Variants in FRY observed in about 807,000 individuals in gnomAD.
FRY encodes the protein FRY microtubule binding protein, also known as protein furry homolog.
Under a neutral mutation model 348.4 loss-of-function variants are expected in FRY, and 128 were observed. The observed-to-expected ratio is 0.37, with a 90% CI of 0.32 to 0.43. FRY has a LOEUF of 0.43. Ranked by LOEUF, FRY falls within the 20% of genes least tolerant of loss-of-function variation. The pLI is 1.00. For missense variants in FRY, 2,736 were observed against 3,695.2 expected (o/e 0.74, Z 6.73); for synonymous variants, 1,370 against 1,374.7 (o/e 1.00, Z 0.08).
At chr13:32,292,965 G>C (rs1889451212) in intron 59 of FRY, among the ~76,000 whole-genome samples, 1 of 152,120 alleles carries the variant, frequency 6.6e-6, no homozygotes. Flanking sequence ...ACTCACTGAA[G>C]GCACAGATGA....
intron 29 of FRY, 35 bp from the exon 30 acceptor site, chr13:32,201,906 C>A: frequency 1.7e-6 from 2 of 1,145,258 alleles, no homozygotes; most frequent in Non-Finnish European, 2.7e-6. Context: ...TCTTATAAAC[C>A]ATGCTTTTTT....
At chr13:32,140,370 A>G (rs1279436842) in intron 11 of FRY, among the ~76,000 whole-genome samples, 2 of 152,244 alleles carry the variant, frequency 1.3e-5, no homozygotes, top group Non-Finnish European at 2.9e-5. Context: ...TGGAGAAACC[A>G]AAGTACAGAA....
chr13:32,128,029 A>T lies in FRY; in HGVS notation c.716+3154A>T, dbSNP rs147248090. On this transcript the variant is annotated intron_variant, in intron 7 of 60. Coordinates refer to ENST00000542859, the MANE Select transcript of FRY (RefSeq NM_023037.3). ...TCATACATTTAAAAATTAAAACCAT[A>T]GTTATTTTGGTATCTGGAAATAATT... is the stretch of plus-strand genomic sequence containing the variant. Among the ~76,000 whole-genome samples, 16 of 152,268 alleles carry T rather than the reference A, an allele frequency of 1.1e-4. No homozygotes were observed. The East Asian group carries it at 3.1e-3, about 29-fold the overall frequency.
chr13:32,173,044 T>G lies in FRY; in HGVS notation c.2152-323T>G, dbSNP rs185712594. Among the ~76,000 whole-genome samples, 8 of 152,346 alleles carry G rather than the reference T, an allele frequency of 5.3e-5. No homozygotes were observed. The East Asian group carries it at 1.4e-3, about 26-fold the overall frequency. On this transcript the variant is annotated intron_variant, in intron 18 of 60. Transcript: ENST00000542859. ...TAAATAACAACTTTGGCCACTTTGA[T>G]TGTATATACAGTGTAATACCAAGTG...
intron 1 of FRY, among the ~76,000 whole-genome samples, chr13:32,044,705 A>G (rs1872927851): frequency 6.6e-6 from 1 of 152,176 alleles, no homozygotes; most frequent in Non-Finnish European, 1.5e-5. Flanking sequence ...CAAGCTTCTG[A>G]CTGCTATCCC....
chr13:32,240,823 AT>A (rs1886459450), intron 46 of FRY, among the ~76,000 whole-genome samples: 1 of 152,228 alleles, frequency 6.6e-6, no homozygotes, highest in South Asian at 2.1e-4. Context: ...TTTTATTTAT[AT>A]CATCAATCCA....
At chr13:32,143,834 C>T (rs1416457233) in intron 11 of FRY, among the ~76,000 whole-genome samples, 1 of 152,070 alleles carries the variant, frequency 6.6e-6, no homozygotes, top group Non-Finnish European at 1.5e-5. Flanking sequence ...GTGTTAAGTA[C>T]CCTATGTGCA....
intron 47 of FRY, among the ~76,000 whole-genome samples, chr13:32,245,680 A>G (rs1886756739): frequency 1.3e-5 from 2 of 150,444 alleles, no homozygotes; most frequent in Admixed American, 1.3e-4. Context: ...CTGGAAGTTA[A>G]TCTAAAACAC....
At chr13:32,227,621 C>T (rs539948153) in intron 39 of FRY, among the ~76,000 whole-genome samples, 4 of 152,268 alleles carry the variant, frequency 2.6e-5, no homozygotes, top group African/African-American at 7.2e-5. Context: ...TACCATAAAA[C>T]ATATTCTATT....
rs1593805792 is a variant in FRY at position 32,254,169 on chromosome 13, A to G, written c.7246-55A>G. On this transcript the variant is annotated intron_variant, in intron 50 of 60. Coordinates refer to ENST00000542859, the MANE Select transcript of FRY (RefSeq NM_023037.3). ...TGAAGAGCCAATTACAATTTTTCGT[A>G]GCACAAACAACCAAAGGGAGAACGG... The G allele has an allele frequency of 5.1e-6, 8 of 1,576,302 alleles. No individual in the cohort carries two copies. In the East Asian group the frequency reaches 1.6e-4, roughly 31 times the overall value.
chr13:32,243,995 C>A (rs61642853), intron 46 of FRY, 47 bp from the exon 47 acceptor site: 1 of 1,605,114 alleles, frequency 6.2e-7, no homozygotes, highest in African/African-American at 1.3e-5. Context: ...TCCTTCCATA[C>A]GGAGATCTGG....
At chr13:32,097,844 A>G (rs442566) in intron 2 of FRY, among the ~76,000 whole-genome samples, 148,961 of 152,146 alleles carry the variant, frequency 0.98, 73,034 homozygotes, top group East Asian at 1. Flanking sequence ...AGATAATGAT[A>G]ATGTTTGAAC....
intron 3 of FRY, among the ~76,000 whole-genome samples, chr13:32,109,700 G>A (rs185307473): frequency 4.6e-5 from 7 of 152,224 alleles, no homozygotes; most frequent in African/African-American, 1.7e-4. Flanking sequence ...AGCTCTTCAA[G>A]CAGAGGAAAC....
chr13:32,184,680 A>G lies in FRY; in HGVS notation c.3135A>G (p.Val1045=). The G allele has an allele frequency of 6.3e-7, 1 of 1,592,886 alleles. No individual in the cohort carries two copies. Residue 1045 remains valine, a synonymous_variant, in exon 25 of 61, where the codon GTA becomes GTG. Transcript: ENST00000542859. Reference sequence around the variant, plus strand: ...TTGAACTTTTGGCTGATGCTGGTGTAATAAGTGACAGGTAGGATCAGAATT... The same window carrying G: ...TTGAACTTTTGGCTGATGCTGGTGTGATAAGTGACAGGTAGGATCAGAATT... ...RIFELLADAG[V]ISDSTNGALE... is the part of the protein sequence containing the mutation.
In FRY at chr13:32,224,374, G is replaced by C; in HGVS notation, c.4905G>C (p.Gly1635=). 1 of 1,614,034 alleles carries C rather than the reference G, an allele frequency of 6.2e-7. No individual in the cohort carries two copies. Among genetic ancestry groups the C allele is most frequent in the Non-Finnish European group, 8.5e-7 (1 of 1,179,958 alleles). ...DYLPETITPR[G]PLHRCNIAVI... ...TCCCGGAGACCATCACTCCCCGGGG[G>C]CCACTCCACAGGTGAGCAGCATGTG... Residue 1635 remains glycine (G), a synonymous_variant, in exon 37 of 61, where the codon GGG becomes GGC. Transcript: ENST00000542859.
Position 32,262,314 on chromosome 13 carries a change from ATCATGAC to A in FRY, c.7621_7627del (p.Met2541SerfsTer41). On this transcript the variant is annotated frameshift_variant and splice_region_variant, in exon 53 of 61. Transcript: ENST00000542859. LOFTEE classifies it high-confidence loss of function. ...TTAATTTCCTTTGCTTTTTAAACAG[ATCATGAC>A]TCTCTCCCCCTCTGAAGAGACGAAT... 1 of 1,612,818 alleles carries A rather than the reference ATCATGAC, an allele frequency of 6.2e-7. No homozygotes were observed.
intron 1 of FRY, among the ~76,000 whole-genome samples, chr13:32,067,965 G>T (rs930021722): frequency 6.6e-6 from 1 of 152,058 alleles, no homozygotes; most frequent in Non-Finnish European, 1.5e-5. Flanking sequence ...GTGTCAGTGT[G>T]TGGTCCCAGG....
chr13:32,226,357 G>T (rs1477005540), intron 39 of FRY, among the ~76,000 whole-genome samples: 1 of 152,144 alleles, frequency 6.6e-6, no homozygotes, highest in Non-Finnish European at 1.5e-5. Context: ...CAAGGTGCCG[G>T]ATGTATCACT....
In FRY at chr13:32,136,853, C is replaced by G; in HGVS notation, c.1078-18C>G. The G allele has an allele frequency of 1.2e-5, 15 of 1,270,794 alleles. No individual in the cohort carries two copies. Among genetic ancestry groups the G allele is most frequent in the Non-Finnish European group, 1.6e-5 (14 of 866,484 alleles). The allele number at this position is 1,270,794 out of a possible 1,614,324, so 78.7% of individuals were successfully genotyped here. A position where few individuals can be genotyped will look rare whatever the true frequency, so the allele number is the denominator to read the frequency against. On this transcript the variant is annotated intron_variant, in intron 10 of 60. Coordinates refer to ENST00000542859, the MANE Select transcript of FRY (RefSeq NM_023037.3). ...TGAAATATAAATGATCCTGTGACCT[C>G]CTCTCCTTTCTCCTCAGGCCTTGTA...
Sources: gnomAD v4.1 joint callset for allele counts (sites outside exome capture counted in the v4.1 genomes callset) on GRCh38, gnomAD v4.1.1 for gene constraint, MANE v1.5 for transcripts, NCBI Gene and HGNC (gene_info 2026-07-23, HGNC 2026-07-21) for gene names.